Variants in SMPDL3A observed in about 807,000 individuals in gnomAD.
The protein encoded by SMPDL3A is sphingomyelin phosphodiesterase acid like 3A.
A neutral mutation model predicts 38.5 loss-of-function variants in SMPDL3A; 39 were observed. The ratio of observed to expected loss-of-function variants is 1.01; its 90% CI spans 0.78 to 1.32. The LOEUF is 1.32. SMPDL3A is among the 40% of genes most tolerant of loss of function. SMPDL3A has a pLI of 0.00. For synonymous variants in SMPDL3A, 180 were observed against 194.3 expected, an observed-to-expected ratio of 0.93 and a Z score of 0.61; for missense variants, 502 against 536.2, an observed-to-expected ratio of 0.94 and a Z score of 0.63.
chr6:122,794,518 AC>A (rs1372780030), intron 1 of SMPDL3A, among the ~76,000 whole-genome samples: 2 of 151,952 alleles, frequency 1.3e-5, no homozygotes, highest in Non-Finnish European at 2.9e-5. Context: ...AATCGCTTGA[AC>A]CCGGGAGGTG....
chr6:122,803,943 T>C (rs982212703), intron 5 of SMPDL3A, 110 bp downstream of exon 5: 7 of 880,076 alleles, frequency 8.0e-6, no homozygotes, highest in East Asian at 2.6e-5. Flanking sequence ...AATTTGAAGA[T>C]TTTTTTTGCA....
intron 7 of SMPDL3A, 124 bp from the exon 8 acceptor site, chr6:122,808,967 T>G (rs1781759049): frequency 2.6e-6 from 2 of 755,924 alleles, no homozygotes; most frequent in Admixed American, 2.6e-5. Flanking sequence ...GTGCTAGGAT[T>G]ACAGGCGTGA....
rs574986806 is a variant in SMPDL3A, at chr6:122,806,401, C to T, written c.1044+44C>T. The T allele has an allele frequency of 2.3e-5, 35 of 1,553,078 alleles. No homozygotes were observed. The South Asian group carries it at 3.9e-4, about 17-fold the overall frequency. On this transcript the variant is annotated intron_variant, in intron 7 of 7. Transcript: ENST00000368440. ...GAGCTGACCCCATATTTATGCATATCTTTGCAGTTTTCATTAATTTAGTTG... is the reference window on the plus strand; with the variant it reads ...GAGCTGACCCCATATTTATGCATATTTTTGCAGTTTTCATTAATTTAGTTG...
chr6:122,799,520 C>T (rs1349931932), intron 3 of SMPDL3A, among the ~76,000 whole-genome samples: 1 of 152,196 alleles, frequency 6.6e-6, no homozygotes, highest in Non-Finnish European at 1.5e-5. Flanking sequence ...TACTTGGCAT[C>T]CATCCCAAAG....
chr6:122,793,565 A>T (rs550819876), intron 1 of SMPDL3A, among the ~76,000 whole-genome samples: 1 of 152,342 alleles, frequency 6.6e-6, no homozygotes, highest in South Asian at 2.1e-4. Context: ...TAAGATGGAA[A>T]TAAAGATTGG....
At chr6:122,804,547 G>A (rs755164580) in intron 5 of SMPDL3A, among the ~76,000 whole-genome samples, 4 of 150,904 alleles carry the variant, frequency 2.7e-5, no homozygotes, top group Middle Eastern at 3.4e-3. Context: ...TGGGGGGCTC[G>A]AACTCTGCTT....
intron 1 of SMPDL3A, among the ~76,000 whole-genome samples, chr6:122,790,708 G>T (rs1781051213): frequency 6.6e-6 from 1 of 152,182 alleles, no homozygotes; most frequent in African/African-American, 2.4e-5. Context: ...ATGTATACTG[G>T]TTTCTGCTTT....
chr6:122,795,741 A>C lies in SMPDL3A; in HGVS notation c.177A>C (p.Thr59=), dbSNP rs774289503. 17 of 1,614,158 alleles carry C rather than the reference A, an allele frequency of 1.1e-5. No individual in the cohort carries two copies. The South Asian group carries it at 1.2e-4, about 11-fold the overall frequency. ...DPTYHITDDH[T]KVCASSKGAN... ...CTTACCACATCACAGATGACCACAC[A>C]AAAGTGTGTGCTTCATCTAAAGGTG... The change falls in exon 2 of 8, where the codon ACA becomes ACC. Residue 59 remains threonine (T), a synonymous_variant. Coordinates refer to ENST00000368440, the MANE Select transcript of SMPDL3A (RefSeq NM_006714.5).
Position 122,806,241 on chromosome 6 carries a change from GT to G in SMPDL3A, c.929del (p.Val310GlufsTer13), listed in dbSNP as rs765851694. 11 of 1,612,346 alleles carry G rather than the reference GT, an allele frequency of 6.8e-6. No homozygotes were observed. In the East Asian group the frequency reaches 1.8e-4, roughly 26 times the overall value. Reference protein sequence around the residue: ...MVLSDKKGSPVNSLFVAPAVT... With the variant: ...MVLSDKKGSPXNSLFVAPAVT... ...GCATACGTTTTGTTCAGGAAGTCCA[GT>G]AAATTCTTTGTTTGTGGCTCCTGCT... On this transcript the variant is annotated frameshift_variant, in exon 7 of 8. Transcript: ENST00000368440. LOFTEE classifies it high-confidence loss of function.
Position 122,806,215 on chromosome 6 carries a change from T to G in SMPDL3A, c.920-18T>G. 1 of 1,602,660 alleles carries G rather than the reference T, an allele frequency of 6.2e-7. No homozygotes were observed. Among genetic ancestry groups the G allele is most frequent in the South Asian group, 1.1e-5 (1 of 88,904 alleles). ...TCTTATTTAAAAATGTATGTTTATG[T>G]GCATACGTTTTGTTCAGGAAGTCCA... On this transcript the variant is annotated intron_variant, in intron 6 of 7. Coordinates refer to ENST00000368440, the MANE Select transcript of SMPDL3A (RefSeq NM_006714.5).
At chr6:122,808,307 A>C (rs1781701747) in intron 7 of SMPDL3A, among the ~76,000 whole-genome samples, 1 of 152,184 alleles carries the variant, frequency 6.6e-6, no homozygotes, top group African/African-American at 2.4e-5. Context: ...GCCAATTTCC[A>C]TGACAGAAAT....
chr6:122,797,973 T>C (rs2115166116), intron 3 of SMPDL3A, among the ~76,000 whole-genome samples: 1 of 152,238 alleles, frequency 6.6e-6, no homozygotes, highest in South Asian at 2.1e-4. Flanking sequence ...TAAACCAACA[T>C]CCTTTTGCAC....
At chr6:122,805,359 C>T (rs1419123697) in intron 6 of SMPDL3A, among the ~76,000 whole-genome samples, 1 of 152,194 alleles carries the variant, frequency 6.6e-6, no homozygotes, top group Non-Finnish European at 1.5e-5. Flanking sequence ...CAGAAACCCT[C>T]AGCTCACTCA....
intron 3 of SMPDL3A, among the ~76,000 whole-genome samples, chr6:122,799,362 A>G (rs1272498784): frequency 6.6e-6 from 1 of 152,226 alleles, no homozygotes; most frequent in African/African-American, 2.4e-5. Flanking sequence ...TGTGAGAGTA[A>G]TCATGGGATT....
Position 122,795,816 on chromosome 6 carries a change from A to G in SMPDL3A, c.252A>G (p.Pro84=), listed in dbSNP as rs1318699676. Residue 84 remains proline (P), a synonymous_variant, in exon 2 of 8, where the codon CCA becomes CCG. Transcript: ENST00000368440. The part of the protein sequence containing the change: ...GPFGDVLCDS[P]YQLILSAFDF... The stretch of plus-strand genomic sequence containing the variant: ...TTGGAGATGTTCTGTGTGATTCTCC[A>G]TATCAACTTATTTTGTCAGCATTTG... The G allele has an allele frequency of 6.2e-6, 10 of 1,614,166 alleles. No homozygotes were observed. Among genetic ancestry groups the G allele is most frequent in the East Asian group, 4.5e-5 (2 of 44,864 alleles).
At chr6:122,795,965 T>C in intron 2 of SMPDL3A, 75 bp downstream of exon 2, 2 of 1,053,362 alleles carry the variant, frequency 1.9e-6, no homozygotes, top group African/African-American at 3.2e-5. Flanking sequence ...GAGTGCTGAA[T>C]TCCATAATAA....
chr6:122,789,734 C>T (rs1018823593), intron 1 of SMPDL3A: 6 of 759,734 alleles, frequency 7.9e-6, no homozygotes, highest in Non-Finnish European at 8.0e-6. Flanking sequence ...CCGGATTTCG[C>T]CAGCCTGGCT....
intron 7 of SMPDL3A, among the ~76,000 whole-genome samples, chr6:122,808,850 T>G (rs539783100): frequency 5.3e-5 from 8 of 150,944 alleles, no homozygotes; most frequent in Middle Eastern, 3.4e-3. Flanking sequence ...CCCAGCTAAT[T>G]TTTTTTTTCT....
At position 122,805,033 on chromosome 6, in the gene SMPDL3A, G is replaced by T. The variant is rs752015740; in HGVS notation, c.863G>T (p.Gly288Val). The change falls in exon 6 of 8, where the codon GGA (glycine) becomes GTA (valine). Residue 288 changes from glycine to valine, a missense_variant. Coordinates refer to ENST00000368440, the MANE Select transcript of SMPDL3A (RefSeq NM_006714.5). ...IFQKYSDVIAGQFYGHTHRDS... is the reference protein window; with the variant it reads ...IFQKYSDVIAVQFYGHTHRDS... ...CAAAAATACAGTGATGTCATTGCAG[G>T]ACAATTTTATGGACACACTCACAGA... 6.2e-7 allele frequency: 1 copy of T among 1,613,040 alleles called. No homozygotes were observed.
Sources: gnomAD v4.1 joint callset for allele counts (sites outside exome capture counted in the v4.1 genomes callset) on GRCh38, gnomAD v4.1.1 for gene constraint, MANE v1.5 for transcripts, NCBI Gene and HGNC (gene_info 2026-07-23, HGNC 2026-07-21) for gene names.